Variants in ROBO2 observed in about 807,000 individuals in gnomAD.
ROBO2 encodes the protein roundabout guidance receptor 2.
A neutral mutation model predicts 160.8 loss-of-function variants in ROBO2; 53 were observed. The observed-to-expected ratio is 0.33, with a 90% CI of 0.26 to 0.41. The LOEUF is 0.41. ROBO2 is among the 10% of genes least tolerant of loss of function. The probability of loss-of-function intolerance (pLI) is 1.00; values close to 1 mark genes in which losing one functional copy is unlikely to be tolerated. For missense variants in ROBO2, 1,577 were observed against 1,722.4 expected (o/e 0.92, Z 1.49); for synonymous variants, 664 against 611.7 (o/e 1.09, Z -1.26).
intron 2 of ROBO2, among the ~76,000 whole-genome samples, chr3:76,670,464 G>A (rs2092223692): frequency 6.6e-6 from 1 of 151,886 alleles, no homozygotes; most frequent in South Asian, 2.1e-4. Flanking sequence ...TGCCAGAAAT[G>A]TCACCTGTAT....
chr3:76,555,425 G>GAAGAAGAAGAAGAAGAA (rs1399867100), intron 2 of ROBO2, among the ~76,000 whole-genome samples: 1,859 of 68,116 alleles, frequency 0.027, 148 homozygotes, highest in Non-Finnish European at 0.038. Flanking sequence ...AAGAAAGAAG[G>GAAGAAGAAGAAGAAGAA]AGAAGGGGAA....
intron 1 of ROBO2, among the ~76,000 whole-genome samples, chr3:77,056,964 A>G (rs2065810669): frequency 6.6e-6 from 1 of 152,174 alleles, no homozygotes; most frequent in South Asian, 2.1e-4. Context: ...ATTACTGGTT[A>G]TATACCCAAA....
intron 2 of ROBO2, among the ~76,000 whole-genome samples, chr3:76,358,947 G>A (rs966539254): frequency 5.8e-5 from 6 of 103,014 alleles, no homozygotes; most frequent in East Asian, 2.9e-4. Flanking sequence ...AACAGTCCCC[G>A]GTGTGTGATG....
At chr3:77,536,460 CCTCTCTCTCTTT>C (rs1044137039) in intron 6 of ROBO2, among the ~76,000 whole-genome samples, 17 of 151,254 alleles carry the variant, frequency 1.1e-4, no homozygotes, top group African/African-American at 4.1e-4. Context: ...TCTTTTTCTT[CCTCTCTCTCTTT>C]CTCTCTCTAT....
intron 1 of ROBO2, among the ~76,000 whole-genome samples, chr3:75,915,702 T>C (rs1281368717): frequency 3.3e-5 from 5 of 152,234 alleles, no homozygotes; most frequent in Admixed American, 1.3e-4. Flanking sequence ...TGCATAGGAC[T>C]TGATTTAGAT....
In ROBO2 at chr3:76,127,423, T is replaced by C. The variant is rs866537602; in HGVS notation, c.109+189821T>C. ...ACCAAATGGCATCACTGAAAGCAAA[T>C]AGACTCTAGGATAGAATATAACTAT... On this transcript the variant is annotated intron_variant, in intron 2 of 26. Coordinates refer to the ROBO2 transcript ENST00000487694. Among the ~76,000 whole-genome samples, 29 of 152,148 alleles carry C rather than the reference T, an allele frequency of 1.9e-4. 1 individual carries two copies. In the Middle Eastern group the frequency reaches 0.01, roughly 54 times the overall value.
chr3:76,452,445 A>G (rs9848305), intron 2 of ROBO2, among the ~76,000 whole-genome samples: 59,589 of 151,748 alleles, frequency 0.39, 11,796 homozygotes, highest in East Asian at 0.43. Context: ...TGTCCTTGCA[A>G]TAGTTTACTG....
At chr3:76,743,121 C>T (rs1368184246) in intron 2 of ROBO2, among the ~76,000 whole-genome samples, 1 of 152,088 alleles carries the variant, frequency 6.6e-6, no homozygotes, top group Non-Finnish European at 1.5e-5. Context: ...TATATTTTCC[C>T]TCAACCTTAG....
chr3:76,168,035 T>C (rs561441233), intron 2 of ROBO2, among the ~76,000 whole-genome samples: 1 of 152,300 alleles, frequency 6.6e-6, no homozygotes, highest in East Asian at 1.9e-4. Flanking sequence ...CCAGTCAACC[T>C]TGGACTAACT....
intron 2 of ROBO2, among the ~76,000 whole-genome samples, chr3:76,005,675 G>T (rs2107586464): frequency 6.6e-6 from 1 of 152,156 alleles, no homozygotes; most frequent in South Asian, 2.1e-4. Context: ...GGCTTCAGGG[G>T]CTAATAAGTG....
intron 2 of ROBO2, among the ~76,000 whole-genome samples, chr3:76,176,604 G>T (rs542292236): frequency 6.6e-6 from 1 of 152,206 alleles, no homozygotes; most frequent in East Asian, 1.9e-4. Context: ...CTAAACAATG[G>T]ATCTGTTAGG....
intron 2 of ROBO2, among the ~76,000 whole-genome samples, chr3:76,886,771 G>T (rs1262886295): frequency 6.6e-6 from 1 of 152,152 alleles, no homozygotes; most frequent in Admixed American, 6.5e-5. Context: ...ATGGCTGAGG[G>T]TGTGGTGAGA....
intron 2 of ROBO2, among the ~76,000 whole-genome samples, chr3:75,983,583 G>T (rs762593074): frequency 2.0e-5 from 3 of 151,252 alleles, no homozygotes; most frequent in Non-Finnish European, 3.0e-5. Flanking sequence ...ACTGAATTGT[G>T]CCCCTTACAT....
intron 2 of ROBO2, among the ~76,000 whole-genome samples, chr3:77,271,805 A>T (rs2059509355): frequency 6.6e-6 from 1 of 152,200 alleles, no homozygotes; most frequent in African/African-American, 2.4e-5. Context: ...CTTTACCTTT[A>T]TCATGTAGTT....
chr3:77,160,060 T>A (rs564165343), intron 2 of ROBO2, among the ~76,000 whole-genome samples: 1 of 152,052 alleles, frequency 6.6e-6, no homozygotes, highest in Non-Finnish European at 1.5e-5. Context: ...ATATATAGAT[T>A]CACCAGGCAT....
intron 2 of ROBO2, among the ~76,000 whole-genome samples, chr3:75,992,192 G>A (rs2065592902): frequency 6.6e-6 from 1 of 152,138 alleles, no homozygotes; most frequent in Non-Finnish European, 1.5e-5. Flanking sequence ...CAAGACAATG[G>A]GGAAAATGTC....
intron 2 of ROBO2, among the ~76,000 whole-genome samples, chr3:77,239,852 T>C (rs1240346158): frequency 6.6e-6 from 1 of 152,198 alleles, no homozygotes; most frequent in Non-Finnish European, 1.5e-5. Flanking sequence ...TACAATCCTT[T>C]AGCTAGATGT....
intron 2 of ROBO2, among the ~76,000 whole-genome samples, chr3:77,281,643 A>G (rs2060247763): frequency 6.6e-6 from 1 of 152,182 alleles, no homozygotes; most frequent in African/African-American, 2.4e-5. Flanking sequence ...TTATTTGCCT[A>G]TCACCTATGT....
At chr3:77,522,207 A>G (rs1269244042) in intron 5 of ROBO2, among the ~76,000 whole-genome samples, 52 of 151,228 alleles carry the variant, frequency 3.4e-4, no homozygotes, top group Admixed American at 3.4e-3. Context: ...GAGGATGTGC[A>G]TTTCCAAAAA....
Sources: gnomAD v4.1 joint callset for allele counts (sites outside exome capture counted in the v4.1 genomes callset) on GRCh38, gnomAD v4.1.1 for gene constraint, MANE v1.5 for transcripts, NCBI Gene and HGNC (gene_info 2026-07-23, HGNC 2026-07-21) for gene names.